Variants in AKR1C4 observed in about 807,000 individuals in gnomAD.
AKR1C4 encodes the protein 3-alpha-HSD1.
A neutral mutation model predicts 41.0 loss-of-function variants in AKR1C4; 44 were observed. That is an observed-to-expected ratio of 1.07 (90% CI 0.84 to 1.38). The LOEUF (loss-of-function observed/expected upper bound fraction) is 1.38. Among genes scored for constraint, AKR1C4 ranks in the 40% most tolerant of loss-of-function variants. AKR1C4 has a pLI of 0.00. For missense variants in AKR1C4, 438 were observed against 387.9 expected, an observed-to-expected ratio of 1.13 and a Z score of -1.09; for synonymous variants, 165 against 137.7, an observed-to-expected ratio of 1.20 and a Z score of -1.39.
intron 8 of AKR1C4, among the ~76,000 whole-genome samples, chr10:5,217,180 C>T (rs1361121028): frequency 6.6e-6 from 1 of 152,244 alleles, no homozygotes; most frequent in Non-Finnish European, 1.5e-5. Context: ...TCCAAATCCA[C>T]TCAGTTTCTT....
At chr10:5,218,589 C>A in intron 8 of AKR1C4, 129 bp from the exon 9 acceptor site, 4 of 627,128 alleles carry the variant, frequency 6.4e-6, no homozygotes, top group Non-Finnish European at 5.4e-6. Context: ...GAAAGACATT[C>A]TACAAATAGT....
At chr10:5,213,721 A>C (rs117748484) in intron 7 of AKR1C4, among the ~76,000 whole-genome samples, 2,212 of 152,244 alleles carry the variant, frequency 0.015, 16 homozygotes, top group Non-Finnish European at 0.023. Flanking sequence ...GTTTAGCCTA[A>C]AGCTCCACCT....
At chr10:5,218,430 A>G (rs1484435471) in intron 8 of AKR1C4, among the ~76,000 whole-genome samples, 2 of 152,184 alleles carry the variant, frequency 1.3e-5, no homozygotes, top group Non-Finnish European at 2.9e-5. Flanking sequence ...ATGTCAGAAT[A>G]TCTCTTTGCT....
Position 5,204,395 on chromosome 10 carries a change from C to T in AKR1C4, c.271C>T (p.Gln91Ter). ...CATGCAGCTTTGGTGCACTTTCTTT[C>T]AACCACAGATGGTCCAACCAGCCTT... ...YTSKLWCTFF[Q>*]PQMVQPALES... is the part of the protein sequence containing the mutation. The change falls in exon 3 of 9, where the codon CAA becomes TAA. Residue 91 changes from glutamine to a stop codon, truncating the protein, a stop_gained. Coordinates refer to ENST00000263126, the MANE Select transcript of AKR1C4 (RefSeq NM_001818.5). LOFTEE classifies it high-confidence loss of function. 6.2e-7 allele frequency: 1 copy of T among 1,613,678 alleles called. No homozygotes were observed. The highest frequency in any genetic ancestry group is 8.5e-7 in the Non-Finnish European group (1 of 1,179,696).
chr10:5,213,781 G>A (rs780987894), intron 7 of AKR1C4, among the ~76,000 whole-genome samples: 1 of 152,068 alleles, frequency 6.6e-6, no homozygotes, highest in Non-Finnish European at 1.5e-5. Flanking sequence ...GTGTGTGCAG[G>A]GCAATGAGGC....
intron 2 of AKR1C4, among the ~76,000 whole-genome samples, chr10:5,203,160 C>T (rs1006350190): frequency 2.0e-5 from 3 of 152,112 alleles, no homozygotes; most frequent in African/African-American, 7.2e-5. Context: ...CCCCATCCAC[C>T]TTCAAGGCCA....
chr10:5,199,058 T>C (rs1186888165), intron 1 of AKR1C4, among the ~76,000 whole-genome samples: 1 of 152,122 alleles, frequency 6.6e-6, no homozygotes, highest in Non-Finnish European at 1.5e-5. Flanking sequence ...GTCTTGTTAA[T>C]TTTTCTAACA....
intron 7 of AKR1C4, among the ~76,000 whole-genome samples, chr10:5,214,718 TAAG>T (rs782450335): frequency 1.4e-4 from 21 of 152,224 alleles, no homozygotes; most frequent in Non-Finnish European, 2.4e-4. Flanking sequence ...GCAAATATTC[TAAG>T]AATACAATGA....
chr10:5,209,735 C>T (rs1173055862), intron 5 of AKR1C4, among the ~76,000 whole-genome samples: 1 of 152,152 alleles, frequency 6.6e-6, no homozygotes, highest in African/African-American at 2.4e-5. Context: ...TTCACTATCT[C>T]AAGGACATCA....
At position 5,206,377 on chromosome 10, in the gene AKR1C4, T is replaced by C. The variant is rs782175017; in HGVS notation, c.550T>C (p.Tyr184His). ...GATCCTCAACAAGCCAGGACTCAAG[T>C]ACAAGCCTGTCTGCAACCAGGTGAG... ...EMILNKPGLK[Y>H]KPVCNQVECH... The change falls in exon 5 of 9, where the codon TAC (tyrosine) becomes CAC (histidine). Residue 184 changes from tyrosine (Y) to histidine (H), a missense_variant. Coordinates refer to ENST00000263126, the MANE Select transcript of AKR1C4 (RefSeq NM_001818.5). 19 of 1,613,960 alleles carry C rather than the reference T, an allele frequency of 1.2e-5. No individual in the cohort carries two copies. The highest frequency in any genetic ancestry group is 8.5e-7 in the Non-Finnish European group (1 of 1,179,976).
At chr10:5,207,623 G>A (rs1426977304) in intron 5 of AKR1C4, 46 of 1,172,354 alleles carry the variant, frequency 3.9e-5, no homozygotes, top group Non-Finnish European at 4.8e-5. Context: ...GTTGAACTAA[G>A]CTCATCAACT....
At chr10:5,200,105 G>A (rs1832374261) in intron 1 of AKR1C4, 76 bp from the exon 2 acceptor site, 3 of 1,548,738 alleles carry the variant, frequency 1.9e-6, no homozygotes, top group African/African-American at 1.4e-5. Flanking sequence ...ACCCTGTGAG[G>A]ACAAGGGAAC....
chr10:5,217,859 T>A (rs1832677022), intron 8 of AKR1C4, among the ~76,000 whole-genome samples: 1 of 152,228 alleles, frequency 6.6e-6, no homozygotes, highest in South Asian at 2.1e-4. Flanking sequence ...GCTCCAAGGT[T>A]CTAGGATTCA....
At chr10:5,204,790 CACAGAT>C (rs10600924) in intron 3 of AKR1C4, 51,667 of 435,188 alleles carry the variant, frequency 0.12, 3,754 homozygotes, top group Admixed American at 0.17. Flanking sequence ...TTAGGATCTT[CACAGAT>C]ACAGAGATCC....
At chr10:5,213,890 G>T (rs1832614162) in intron 7 of AKR1C4, among the ~76,000 whole-genome samples, 1 of 152,052 alleles carries the variant, frequency 6.6e-6, no homozygotes, top group African/African-American at 2.4e-5. Context: ...CCCGTATTTT[G>T]ATTCCCTTTA....
At chr10:5,204,330 C>A in intron 2 of AKR1C4, 47 bp from the exon 3 acceptor site, 1 of 1,398,740 alleles carries the variant, frequency 7.1e-7, no homozygotes, top group Non-Finnish European at 1.0e-6. Context: ...ACTAATAAAA[C>A]TAGCTCATGT....
Position 5,200,108 on chromosome 10 carries a change from A to G in AKR1C4, c.85-73A>G, listed in dbSNP as rs530104183. On this transcript the variant is annotated intron_variant, in intron 1 of 8. Coordinates refer to ENST00000263126, the MANE Select transcript of AKR1C4 (RefSeq NM_001818.5). ...CCCCCACTGCACACCCTGTGAGGAC[A>G]AGGGAACTTTTCCTGTTTCACTACC... The G allele has an allele frequency of 3.2e-6, 5 of 1,551,830 alleles. No individual in the cohort carries two copies. The East Asian group carries it at 6.8e-5, about 21-fold the overall frequency.
intron 7 of AKR1C4, among the ~76,000 whole-genome samples, chr10:5,216,268 C>A (rs1355862035): frequency 6.6e-6 from 1 of 152,210 alleles, no homozygotes; most frequent in Non-Finnish European, 1.5e-5. Context: ...GGGATGCCCC[C>A]AGGGCACAAA....
chr10:5,199,516 A>G lies in AKR1C4; in HGVS notation c.85-665A>G, dbSNP rs140170913. Among the ~76,000 whole-genome samples, 973 of 152,206 alleles carry G rather than the reference A, an allele frequency of 6.4e-3. 10 individuals are homozygous for G. The highest frequency in any genetic ancestry group is 0.023 in the African/African-American group (938 of 41,496). On this transcript the variant is annotated intron_variant, in intron 1 of 8. Transcript: ENST00000263126. ...TAAAAACCCCAAATCCTAACAAGGC[A>G]GAGACAGAACCGGGTGGACTTTGAG...
Sources: gnomAD v4.1 joint callset for allele counts (sites outside exome capture counted in the v4.1 genomes callset) on GRCh38, gnomAD v4.1.1 for gene constraint, MANE v1.5 for transcripts, NCBI Gene and HGNC (gene_info 2026-07-23, HGNC 2026-07-21) for gene names.